Variants in UBLCP1 observed in about 807,000 individuals in gnomAD.
UBLCP1 encodes the protein ubiquitin-like domain-containing CTD phosphatase 1.
A neutral mutation model predicts 42.4 loss-of-function variants in UBLCP1; 28 were observed. The ratio of observed to expected loss-of-function variants is 0.66; its 90% confidence interval spans 0.49 to 0.90. The LOEUF is 0.90. Among genes scored for constraint, UBLCP1 ranks in the 40% least tolerant of loss-of-function variants. UBLCP1 has a pLI of 0.00. For synonymous variants in UBLCP1, 122 were observed against 120.8 expected, an observed-to-expected ratio of 1.01 and a Z score of -0.07; for missense variants, 279 against 374.5, an observed-to-expected ratio of 0.75 and a Z score of 2.10.
chr5:159,275,313 T>C lies in UBLCP1; in HGVS notation c.684+67T>C, dbSNP rs111941991. 19 of 1,257,586 alleles carry C rather than the reference T, an allele frequency of 1.5e-5. No homozygotes were observed. In the African/African-American group the frequency reaches 1.6e-4, roughly 11 times the overall value. The allele number at this position is 1,257,586 out of a possible 1,614,324, so 77.9% of individuals were successfully genotyped here. A position where few individuals can be genotyped will look rare whatever the true frequency, so the allele number is the denominator to read the frequency against. ...TTTTCCAGTGTACTTTTTATGTTTA[T>C]ACCTATGGAGTAAATAGTGTAGAGA... is the stretch of plus-strand genomic sequence containing the variant. On this transcript the variant is annotated intron_variant, in intron 8 of 10. Coordinates refer to ENST00000296786, the MANE Select transcript of UBLCP1 (RefSeq NM_145049.5).
rs1753672789 is a variant in UBLCP1, at chr5:159,285,816, C to T, written c.*885C>T. On this transcript the variant is annotated 3_prime_UTR_variant, in exon 11 of 11. Transcript: ENST00000296786. ...CAGCTATATCTTGTCTAAGTGCTAA[C>T]ACTGTTTCAGTGAAAATATCTAGCC... is the stretch of plus-strand genomic sequence containing the variant. The T allele has an allele frequency of 6.5e-6, 1 of 152,696 alleles. No homozygotes were observed. Among genetic ancestry groups the T allele is most frequent in the East Asian group, 1.9e-4 (1 of 5,342 alleles). The allele number at this position is 152,696 out of a possible 1,614,324, so 9.5% of individuals were successfully genotyped here. A position where few individuals can be genotyped will look rare whatever the true frequency, so the allele number is the denominator to read the frequency against.
intron 10 of UBLCP1, among the ~76,000 whole-genome samples, chr5:159,284,510 G>A (rs1308950722): frequency 6.6e-6 from 1 of 152,098 alleles, no homozygotes; most frequent in South Asian, 2.1e-4. Flanking sequence ...ATCTGTATTT[G>A]GAAGTTACAA....
chr5:159,271,099 A>C (rs905752203), intron 5 of UBLCP1, among the ~76,000 whole-genome samples: 5 of 152,028 alleles, frequency 3.3e-5, no homozygotes, highest in African/African-American at 9.7e-5. Flanking sequence ...GAATATTTTA[A>C]AAATTATGTT....
At chr5:159,271,569 C>A (rs968899729) in intron 5 of UBLCP1, among the ~76,000 whole-genome samples, 2 of 152,138 alleles carry the variant, frequency 1.3e-5, no homozygotes, top group Non-Finnish European at 2.9e-5. Context: ...TTATTTCTAA[C>A]CCTAAACCTA....
intron 9 of UBLCP1, among the ~76,000 whole-genome samples, chr5:159,281,376 T>G (rs1753603379): frequency 6.6e-6 from 1 of 152,174 alleles, no homozygotes; most frequent in Admixed American, 6.5e-5. Context: ...AGAAACTCAT[T>G]TCACTACATC....
chr5:159,278,248 T>C lies in UBLCP1; in HGVS notation c.695T>C (p.Leu232Pro). The C allele has an allele frequency of 6.2e-7, 1 of 1,610,468 alleles. No homozygotes were observed. The highest frequency in any genetic ancestry group is 8.5e-7 in the Non-Finnish European group (1 of 1,176,756). Residue 232 changes from leucine (L) to proline (P), a missense_variant, in exon 9 of 11, where the codon CTT becomes CCT. Transcript: ENST00000296786. Reference sequence around the variant, plus strand: ...AACTTTTATTCTAAGGTAAAGCCTCTTGGTGTTATATGGGGAAAGTTTTCG... The same window carrying C: ...AACTTTTATTCTAAGGTAAAGCCTCCTGGTGTTATATGGGGAAAGTTTTCG... Reference protein sequence around the residue: ...PRRGLIDVKPLGVIWGKFSEF... With the variant: ...PRRGLIDVKPPGVIWGKFSEF...
chr5:159,285,102 A>G lies in UBLCP1; in HGVS notation c.*171A>G, dbSNP rs375120630. On this transcript the variant is annotated 3_prime_UTR_variant, in exon 11 of 11. Transcript: ENST00000296786. ...TTTATATTTTTTGAAGATGATAGCA[A>G]TATGCTAAAAAATGCTTGTCCCCTA... 3,652 of 614,168 alleles carry G rather than the reference A, an allele frequency of 5.9e-3. 43 individuals carry two copies. The highest frequency in any genetic ancestry group is 0.026 in the South Asian group (1,243 of 48,666). 38.0% of individuals were successfully genotyped at this position (614,168 alleles called of 1,614,324 possible). A position where few individuals can be genotyped will look rare whatever the true frequency, so the allele number is the denominator to read the frequency against.
intron 6 of UBLCP1, 154 bp from the exon 7 acceptor site, chr5:159,274,431 A>G (rs1454930341): frequency 3.6e-6 from 2 of 548,272 alleles, no homozygotes; most frequent in African/African-American, 2.0e-5. Context: ...ACTTTTATCA[A>G]TATTTAAAAG....
chr5:159,276,181 A>G (rs1270332782), intron 8 of UBLCP1, among the ~76,000 whole-genome samples: 1 of 152,120 alleles, frequency 6.6e-6, no homozygotes, highest in Non-Finnish European at 1.5e-5. Flanking sequence ...CCAGCTACTC[A>G]GGAGGCTGAG....
chr5:159,275,626 A>G (rs1253195910), intron 8 of UBLCP1, among the ~76,000 whole-genome samples: 7 of 151,964 alleles, frequency 4.6e-5, no homozygotes, highest in Admixed American at 4.6e-4. Flanking sequence ...GTTAGCCAGG[A>G]TGGTCTCGAT....
chr5:159,275,568 G>A (rs1429839410), intron 8 of UBLCP1, among the ~76,000 whole-genome samples: 17 of 151,782 alleles, frequency 1.1e-4, no homozygotes, highest in Admixed American at 5.9e-4. Context: ...CCGCCACCAC[G>A]CCCGGCTAAT....
chr5:159,271,316 G>T (rs368360418), intron 5 of UBLCP1, among the ~76,000 whole-genome samples: 1 of 151,820 alleles, frequency 6.6e-6, no homozygotes, highest in Non-Finnish European at 1.5e-5. Context: ...AAAAATACTC[G>T]CTGGATGTGG....
rs1272926275 is a variant in UBLCP1, at chr5:159,277,730, T to C, written c.685-508T>C. 2.0e-5 allele frequency among the ~76,000 whole-genome samples: 3 copies of C among 152,182 alleles called. No homozygotes were observed. In the East Asian group the frequency reaches 5.8e-4, roughly 29 times the overall value. On this transcript the variant is annotated intron_variant, in intron 8 of 10. Coordinates refer to ENST00000296786, the MANE Select transcript of UBLCP1 (RefSeq NM_145049.5). ...TTAAGCAATCAAATTCCCTAGAAAT[T>C]ATGCACCTGTGCCACTGAGTTAAAG...
At chr5:159,277,955 T>C (rs1180205275) in intron 8 of UBLCP1, among the ~76,000 whole-genome samples, 18 of 152,206 alleles carry the variant, frequency 1.2e-4, no homozygotes, top group Admixed American at 1.2e-3. Flanking sequence ...TTTAAAAAAT[T>C]AAATAATTTA....
At chr5:159,276,990 G>A (rs1306629849) in intron 8 of UBLCP1, among the ~76,000 whole-genome samples, 2 of 152,008 alleles carry the variant, frequency 1.3e-5, no homozygotes, top group African/African-American at 2.4e-5. Flanking sequence ...TTGTGTTTTG[G>A]GGAACATAGG....
intron 9 of UBLCP1, among the ~76,000 whole-genome samples, chr5:159,282,573 A>T (rs1227578201): frequency 6.6e-6 from 1 of 152,130 alleles, no homozygotes. Context: ...GGTTTGAAAT[A>T]ATGCTTTTTA....
intron 5 of UBLCP1, among the ~76,000 whole-genome samples, chr5:159,271,700 G>A (rs1216947949): frequency 2.0e-5 from 3 of 152,068 alleles, no homozygotes. Context: ...AGTGGACATA[G>A]TTTGTTTTTC....
intron 9 of UBLCP1, among the ~76,000 whole-genome samples, chr5:159,282,292 G>A (rs1425540290): frequency 6.6e-6 from 1 of 152,072 alleles, no homozygotes; most frequent in East Asian, 1.9e-4. Flanking sequence ...ATAAGGAAAA[G>A]TGCATAAATT....
rs181189465 is a variant in UBLCP1, at chr5:159,264,739, C to G, written c.-47+1379C>G. ...CAGATTCCTAGGTCCCTTCTCTCCA[C>G]CCCAATTACATTTCTACCAAATTAC... On this transcript the variant is annotated intron_variant, in intron 1 of 10. Coordinates refer to ENST00000296786, the MANE Select transcript of UBLCP1 (RefSeq NM_145049.5). 4.7e-4 allele frequency among the ~76,000 whole-genome samples: 72 copies of G among 152,324 alleles called. No individual in the cohort carries two copies. The East Asian group carries it at 0.014, about 29-fold the overall frequency.
Sources: allele counts gnomAD v4.1 joint callset (sites outside exome capture counted in the v4.1 genomes callset), GRCh38; gene constraint gnomAD v4.1.1; transcripts MANE v1.5; gene names NCBI Gene and HGNC (gene_info 2026-07-23, HGNC 2026-07-21).